SLC26A7: variants seen among roughly 807,000 people sequenced by gnomAD.
The protein encoded by SLC26A7 is solute carrier family 26 member 7.
SLC26A7 carries 59 observed loss-of-function variants against 82.5 expected under a neutral mutation model. The ratio of observed to expected loss-of-function variants is 0.72; its 90% CI spans 0.58 to 0.89. The LOEUF is 0.89. Among genes scored for constraint, SLC26A7 ranks in the 40% least tolerant of loss-of-function variants. The pLI is 0.00. For synonymous variants in SLC26A7, 271 were observed against 274.3 expected (o/e 0.99, Z 0.12); for missense variants, 820 against 793.0 (o/e 1.03, Z -0.41).
At chr8:91,237,071 G>A (rs1005050272) in intron 2 of SLC26A7, among the ~76,000 whole-genome samples, 1 of 152,172 alleles carries the variant, frequency 6.6e-6, no homozygotes, top group African/African-American at 2.4e-5. Flanking sequence ...CGCTATCATT[G>A]ACAGATGTGC....
intron 11 of SLC26A7, among the ~76,000 whole-genome samples, chr8:91,353,348 C>A (rs889992316): frequency 2.6e-5 from 4 of 152,104 alleles, no homozygotes. Flanking sequence ...CAATTTATAA[C>A]CTTTATGAAA....
Position 91,243,958 on chromosome 8 carries a change from A to T in SLC26A7, c.-33-5661A>T, listed in dbSNP as rs1421558177. On this transcript the variant is annotated intron_variant, in intron 2 of 5. Transcript: ENST00000522862. Reference sequence around the variant, plus strand: ...ATGAAAATATATCATATTATGAATAACTGAAGGAACTTAGTATGTGTAGTT... The same window carrying T: ...ATGAAAATATATCATATTATGAATATCTGAAGGAACTTAGTATGTGTAGTT... 2.0e-5 allele frequency among the ~76,000 whole-genome samples: 3 copies of T among 152,242 alleles called. No individual in the cohort carries two copies. The East Asian group carries it at 5.8e-4, about 29-fold the overall frequency.
At chr8:91,259,632 G>C (rs189200694) in intron 2 of SLC26A7, among the ~76,000 whole-genome samples, 5 of 151,882 alleles carry the variant, frequency 3.3e-5, no homozygotes, top group Non-Finnish European at 7.4e-5. Context: ...GCCTATATTG[G>C]ACCGCACTTA....
intron 6 of SLC26A7, among the ~76,000 whole-genome samples, chr8:91,336,978 A>G (rs1813261341): frequency 6.6e-6 from 1 of 152,150 alleles, no homozygotes; most frequent in African/African-American, 2.4e-5. Flanking sequence ...AAGTATGTTA[A>G]TATGTCTGAT....
intron 2 of SLC26A7, among the ~76,000 whole-genome samples, chr8:91,264,171 A>G (rs1811046808): frequency 6.6e-6 from 1 of 152,114 alleles, no homozygotes; most frequent in East Asian, 1.9e-4. Flanking sequence ...AATAACATAT[A>G]GGAATCCACC....
At chr8:91,375,213 G>C (rs1184935795) in intron 15 of SLC26A7, among the ~76,000 whole-genome samples, 1 of 152,036 alleles carries the variant, frequency 6.6e-6, no homozygotes, top group Non-Finnish European at 1.5e-5. Flanking sequence ...TATCTTTTAA[G>C]TGGAGCATTT....
At chr8:91,332,491 TACAC>T (rs34306717) in intron 5 of SLC26A7, among the ~76,000 whole-genome samples, 5,699 of 125,136 alleles carry the variant, frequency 0.046, 129 homozygotes, top group Non-Finnish European at 0.051. Flanking sequence ...ATATATTTAA[TACAC>T]ACACACACAC....
At chr8:91,215,444 A>G (rs575349755) in intron 1 of SLC26A7, among the ~76,000 whole-genome samples, 2 of 152,284 alleles carry the variant, frequency 1.3e-5, no homozygotes, top group Non-Finnish European at 2.9e-5. Flanking sequence ...AAATTTCTCA[A>G]TTCTACCATT....
rs774968310 is a variant in SLC26A7, at chr8:91,218,993, A to C, written c.-46A>C. 32 of 1,542,780 alleles carry C rather than the reference A, an allele frequency of 2.1e-5. No homozygotes were observed. In the East Asian group the frequency reaches 3.7e-4, roughly 18 times the overall value. ...GACCCTAACCTCTTTGGAATTGCTCAGGTGTAGAACAGGTGAGGTGCTCAT... is the reference window on the plus strand; with the variant it reads ...GACCCTAACCTCTTTGGAATTGCTCCGGTGTAGAACAGGTGAGGTGCTCAT... On this transcript the variant is annotated 5_prime_UTR_variant, in exon 2 of 6. Transcript: ENST00000522862.
chr8:91,366,506 G>A, intron 13 of SLC26A7, 74 bp from the exon 14 acceptor site: 8 of 1,489,362 alleles, frequency 5.4e-6, no homozygotes, highest in Non-Finnish European at 6.4e-6. Flanking sequence ...AAAATTGAGT[G>A]ACATTTAGAT....
At chr8:91,283,689 A>G (rs1811634027) in intron 2 of SLC26A7, among the ~76,000 whole-genome samples, 1 of 152,176 alleles carries the variant, frequency 6.6e-6, no homozygotes, top group Non-Finnish European at 1.5e-5. Flanking sequence ...AATGCAAGCA[A>G]AAATAACTCT....
intron 10 of SLC26A7, among the ~76,000 whole-genome samples, chr8:91,352,386 A>C (rs1293714061): frequency 6.6e-6 from 1 of 152,092 alleles, no homozygotes; most frequent in Non-Finnish European, 1.5e-5. Flanking sequence ...GCCAGTCTCC[A>C]TCCTTTGTTA....
intron 11 of SLC26A7, among the ~76,000 whole-genome samples, chr8:91,359,976 T>G (rs533533587): frequency 5.3e-5 from 8 of 152,232 alleles, no homozygotes; most frequent in African/African-American, 1.9e-4. Context: ...AATTAGAAAC[T>G]GTTGCACCTC....
At chr8:91,371,420 G>C (rs779876911) in intron 15 of SLC26A7, among the ~76,000 whole-genome samples, 1 of 151,642 alleles carries the variant, frequency 6.6e-6, no homozygotes, top group Non-Finnish European at 1.5e-5. Context: ...AGTTCCCAGT[G>C]TCTATTATTT....
intron 11 of SLC26A7, among the ~76,000 whole-genome samples, chr8:91,359,051 C>T (rs901440583): frequency 2.6e-5 from 4 of 152,134 alleles, no homozygotes; most frequent in Non-Finnish European, 4.4e-5. Flanking sequence ...GCACGTTGTG[C>T]ACATGTACCC....
chr8:91,265,988 A>G (rs184943496), intron 2 of SLC26A7, among the ~76,000 whole-genome samples: 2 of 151,998 alleles, frequency 1.3e-5, no homozygotes, highest in Non-Finnish European at 2.9e-5. Context: ...TGCTTTTGAG[A>G]TCCTATCCAA....
intron 2 of SLC26A7, among the ~76,000 whole-genome samples, chr8:91,231,282 A>G (rs575397385): frequency 6.6e-6 from 1 of 152,348 alleles, no homozygotes; most frequent in South Asian, 2.1e-4. Context: ...TCAGATGACT[A>G]TGATTTCATT....
At chr8:91,361,104 T>G (rs891149832) in intron 11 of SLC26A7, among the ~76,000 whole-genome samples, 10 of 152,288 alleles carry the variant, frequency 6.6e-5, no homozygotes, top group African/African-American at 1.9e-4. Flanking sequence ...TTTTACTCCA[T>G]AATGTGTGTT....
At chr8:91,383,970 A>G (rs879500116) in intron 15 of SLC26A7, among the ~76,000 whole-genome samples, 14 of 152,258 alleles carry the variant, frequency 9.2e-5, no homozygotes, top group Admixed American at 2.0e-4. Flanking sequence ...GAATTCTGCC[A>G]TCATAGACCT....
Sources: gnomAD v4.1 joint callset for allele counts (sites outside exome capture counted in the v4.1 genomes callset) on GRCh38, gnomAD v4.1.1 for gene constraint, MANE v1.5 for transcripts, NCBI Gene and HGNC (gene_info 2026-07-23, HGNC 2026-07-21) for gene names.